LNPK: variants seen among roughly 807,000 people sequenced by gnomAD.
LNPK encodes the protein endoplasmic reticulum junction formation protein lunapark.
Under a neutral mutation model 55.2 loss-of-function variants are expected in LNPK, and 29 were observed. The observed-to-expected ratio is 0.53, with a 90% CI of 0.39 to 0.72. The LOEUF (loss-of-function observed/expected upper bound fraction) is 0.72, where lower values mean the gene tolerates loss of function less well. Among genes scored for constraint, LNPK ranks in the 30% least tolerant of loss-of-function variants. LNPK has a pLI of 0.00. For missense variants in LNPK, 467 were observed against 494.8 expected (o/e 0.94, Z 0.53); for synonymous variants, 162 against 168.2 (o/e 0.96, Z 0.29).
intron 4 of LNPK, among the ~76,000 whole-genome samples, chr2:175,991,744 C>T (rs1331719239): frequency 6.6e-6 from 1 of 152,102 alleles, no homozygotes; most frequent in African/African-American, 2.4e-5. Context: ...TCTCAAAATT[C>T]TCAGTCATGA....
Position 175,929,804 on chromosome 2 carries a change from C to A in LNPK, c.*163G>T. 1 of 1,437,424 alleles carries A rather than the reference C, an allele frequency of 7.0e-7. No homozygotes were observed. The highest frequency in any genetic ancestry group is 9.1e-7 in the Non-Finnish European group (1 of 1,098,930). The allele number at this position is 1,437,424 out of a possible 1,614,324, so 89.0% of individuals were successfully genotyped here. A position where few individuals can be genotyped will look rare whatever the true frequency, so the allele number is the denominator to read the frequency against. On this transcript the variant is annotated 3_prime_UTR_variant, in exon 13 of 13. Transcript: ENST00000272748. ...ATAACTTGCTTTTAATTTTAATACC[C>A]AGTATATATAACTTTGAGATGTTCA... is the stretch of plus-strand genomic sequence containing the variant.
At chr2:175,961,580 A>T (rs1322025564) in intron 8 of LNPK, among the ~76,000 whole-genome samples, 1 of 152,162 alleles carries the variant, frequency 6.6e-6, no homozygotes, top group Non-Finnish European at 1.5e-5. Context: ...TTTATGACAA[A>T]CCTACAGCAA....
At chr2:175,946,805 G>C (rs1198930307) in intron 9 of LNPK, among the ~76,000 whole-genome samples, 1 of 152,060 alleles carries the variant, frequency 6.6e-6, no homozygotes, top group African/African-American at 2.4e-5. Context: ...AAAACAATGT[G>C]ATCTGTGCTA....
chr2:175,964,407 G>A lies in LNPK; in HGVS notation c.458C>T (p.Ser153Phe). The A allele has an allele frequency of 6.2e-7, 1 of 1,613,488 alleles. No individual in the cohort carries two copies. The highest frequency in any genetic ancestry group is 1.1e-5 in the South Asian group (1 of 91,064). Residue 153 changes from serine (S) to phenylalanine (F), a missense_variant, in exon 8 of 13, where the codon TCT (serine) becomes TTT (phenylalanine). Ser to Phe is a radical substitution (Grantham distance 155, BLOSUM62 -2). Coordinates refer to ENST00000272748, the MANE Select transcript of LNPK (RefSeq NM_030650.3). ...TCTTGCAGTTACAGCTGCTCCAGCA[G>A]ATGGCGGCTCACACTCCTGTCAATT... ...SKKAKECEPP[S>F]AGAAVTARPG...
chr2:175,951,605 A>ATATATATATATATC (rs1441190050), intron 8 of LNPK, among the ~76,000 whole-genome samples: 1 of 129,700 alleles, frequency 7.7e-6, no homozygotes, highest in African/African-American at 2.9e-5. Context: ...ATATATATAT[A>ATATATATATATATC]TATATCTCAG....
intron 8 of LNPK, among the ~76,000 whole-genome samples, chr2:175,963,437 C>T (rs918328970): frequency 7.2e-5 from 11 of 152,142 alleles, no homozygotes; most frequent in African/African-American, 2.6e-4. Context: ...TCATCATTCT[C>T]AGTAAACTAT....
chr2:176,000,006 T>G (rs973709002), intron 1 of LNPK, among the ~76,000 whole-genome samples: 7 of 152,178 alleles, frequency 4.6e-5, no homozygotes, highest in African/African-American at 1.7e-4. Flanking sequence ...CCTCAAGTGA[T>G]CCACCTGCCT....
At chr2:175,935,001 C>T (rs927279238) in intron 12 of LNPK, among the ~76,000 whole-genome samples, 1 of 151,930 alleles carries the variant, frequency 6.6e-6, no homozygotes, top group East Asian at 1.9e-4. Context: ...CAGCTTTGTG[C>T]CCCATCCTAA....
chr2:175,930,904 A>G (rs1368170655), intron 12 of LNPK, among the ~76,000 whole-genome samples: 6 of 152,202 alleles, frequency 3.9e-5, no homozygotes, highest in Admixed American at 3.9e-4. Context: ...AGCAGAAGTT[A>G]AGGGTACTAG....
intron 1 of LNPK, among the ~76,000 whole-genome samples, chr2:175,997,746 A>AT (rs1300643891): frequency 1.0e-4 from 6 of 59,490 alleles, no homozygotes; most frequent in South Asian, 8.0e-4. Flanking sequence ...TATAAATATA[A>AT]TTTTTTTTTG....
At chr2:175,988,952 T>C (rs534548520) in intron 4 of LNPK, among the ~76,000 whole-genome samples, 61 of 152,174 alleles carry the variant, frequency 4.0e-4, no homozygotes, top group African/African-American at 1.4e-3. Flanking sequence ...TTTTTTTGTA[T>C]TTTTAGTAGA....
chr2:176,002,238 G>C lies in LNPK; in HGVS notation c.-141C>G, dbSNP rs1303448992. The C allele has an allele frequency of 2.2e-6, 1 of 452,064 alleles. No homozygotes were observed. Among genetic ancestry groups the C allele is most frequent in the African/African-American group, 2.0e-5 (1 of 49,606 alleles). 28.0% of individuals were successfully genotyped at this position (452,064 alleles called of 1,614,324 possible). On this transcript the variant is annotated 5_prime_UTR_variant, in exon 1 of 13. Transcript: ENST00000272748. Reference sequence around the variant, plus strand: ...CGCCACCGCCCAGCCTGCCTCCAGAGCAGGCAGCAGCCGCCACTGACAGAG... The same window carrying C: ...CGCCACCGCCCAGCCTGCCTCCAGACCAGGCAGCAGCCGCCACTGACAGAG...
chr2:175,955,547 A>C (rs1321822301), intron 8 of LNPK, among the ~76,000 whole-genome samples: 1 of 152,228 alleles, frequency 6.6e-6, no homozygotes, highest in Non-Finnish European at 1.5e-5. Context: ...AACAATTGTA[A>C]CAGTATGAAT....
intron 1 of LNPK, among the ~76,000 whole-genome samples, chr2:175,998,897 T>C (rs1005070926): frequency 6.6e-6 from 1 of 152,220 alleles, no homozygotes; most frequent in African/African-American, 2.4e-5. Context: ...AATATATGCA[T>C]AATATCACTA....
intron 12 of LNPK, among the ~76,000 whole-genome samples, chr2:175,931,286 GT>G (rs1684271083): frequency 6.6e-6 from 1 of 152,146 alleles, no homozygotes; most frequent in African/African-American, 2.4e-5. Flanking sequence ...GCCAGCCTTA[GT>G]AAAAAGTTCT....
chr2:175,924,341 T>C lies in LNPK; in HGVS notation c.*5626A>G, dbSNP rs1683914555. 6.6e-6 allele frequency: 1 copy of C among 152,244 alleles called. No homozygotes were observed. The highest frequency in any genetic ancestry group is 2.1e-4 in the South Asian group (1 of 4,836). 9.4% of individuals were successfully genotyped at this position (152,244 alleles called of 1,614,324 possible). Reference sequence around the variant, plus strand: ...TTCAACTAACTGATTTGTACACAGATAATAAATCCAACAGGTAATATTGTA... The same window carrying C: ...TTCAACTAACTGATTTGTACACAGACAATAAATCCAACAGGTAATATTGTA... On this transcript the variant is annotated 3_prime_UTR_variant, in exon 13 of 13. Coordinates refer to ENST00000272748, the MANE Select transcript of LNPK (RefSeq NM_030650.3).
intron 12 of LNPK, 46 bp from the exon 13 acceptor site, chr2:175,930,245 A>G (rs777708011): frequency 1.3e-6 from 2 of 1,531,584 alleles, no homozygotes; most frequent in Admixed American, 3.4e-5. Flanking sequence ...TGAACGTTAA[A>G]ACTGCTAAAT....
chr2:175,994,380 T>A lies in LNPK; in HGVS notation c.28-1157A>T, dbSNP rs563065697. The stretch of plus-strand genomic sequence containing the variant: ...ATATAATGCTGATCCAAAACAAGGC[T>A]GTTCCAGCAATACCCCAAAACCTAA... On this transcript the variant is annotated intron_variant, in intron 2 of 12. Transcript: ENST00000272748. The A allele has an allele frequency of 2.3e-5, 22 of 948,960 alleles. No individual in the cohort carries two copies. In the Admixed American group the frequency reaches 6.2e-4, roughly 27 times the overall value. 58.8% of individuals were successfully genotyped at this position (948,960 alleles called of 1,614,324 possible).
intron 12 of LNPK, among the ~76,000 whole-genome samples, chr2:175,930,496 G>A (rs1684229413): frequency 6.6e-6 from 1 of 152,076 alleles, no homozygotes; most frequent in South Asian, 2.1e-4. Flanking sequence ...AGACACATCT[G>A]AAAGTTGAAG....
Sources: gnomAD v4.1 joint callset for allele counts (sites outside exome capture counted in the v4.1 genomes callset) on GRCh38, gnomAD v4.1.1 for gene constraint, MANE v1.5 for transcripts, NCBI Gene and HGNC (gene_info 2026-07-23, HGNC 2026-07-21) for gene names.